PRTG: variants seen among roughly 807,000 people sequenced by gnomAD.
PRTG encodes protogenin.
In PRTG, 67 loss-of-function variants were observed where a neutral mutation model predicts 122.5. That is an observed-to-expected ratio of 0.55 (90% CI 0.45 to 0.67). The LOEUF is 0.67. PRTG is among the 30% of genes least tolerant of loss of function. The probability of loss-of-function intolerance (pLI) is 0.00; values close to 1 mark genes in which losing one functional copy is unlikely to be tolerated. For missense variants in PRTG, 1,435 were observed against 1,415.4 expected (o/e 1.01, Z -0.22); for synonymous variants, 554 against 501.1 (o/e 1.11, Z -1.41).
chr15:55,627,207 T>C (rs1030538880), intron 16 of PRTG, 79 bp from the exon 17 acceptor site: 21 of 1,082,434 alleles, frequency 1.9e-5, no homozygotes, highest in Admixed American at 3.4e-5. Flanking sequence ...TACTTGCTTT[T>C]CCAAAATTTT....
rs1235791691 is a variant in PRTG, at chr15:55,613,183, G to A, written c.*6829C>T. On this transcript the variant is annotated 3_prime_UTR_variant, in exon 20 of 20. Coordinates refer to ENST00000389286, the MANE Select transcript of PRTG (RefSeq NM_173814.6). ...AAATTGTCAAGATTAGAACTTAGGT[G>A]CTCCAAAGCCTAACTTATACTTGTT... The A allele has an allele frequency of 6.6e-6, 1 of 152,026 alleles. No individual in the cohort carries two copies. Among genetic ancestry groups the A allele is most frequent in the Non-Finnish European group, 1.5e-5 (1 of 67,952 alleles). The allele number at this position is 152,026 out of a possible 1,614,324, so 9.4% of individuals were successfully genotyped here.
Position 55,613,688 on chromosome 15 carries a change from T to C in PRTG, c.*6324A>G, listed in dbSNP as rs944397138. 2 of 151,684 alleles carry C rather than the reference T, an allele frequency of 1.3e-5. No homozygotes were observed. Among genetic ancestry groups the C allele is most frequent in the African/African-American group, 4.8e-5 (2 of 41,262 alleles). 9.4% of individuals were successfully genotyped at this position (151,684 alleles called of 1,614,324 possible). ...TTGTTCTGACACAACCTGGCTTTTG[T>C]GGATACAAGGAAAAAACAGTTGTAT... is the stretch of plus-strand genomic sequence containing the variant. On this transcript the variant is annotated 3_prime_UTR_variant, in exon 20 of 20. Coordinates refer to ENST00000389286, the MANE Select transcript of PRTG (RefSeq NM_173814.6).
rs1330146343 is a variant in PRTG, at chr15:55,738,014, A to C, written c.397+2368T>G. Reference sequence around the variant, plus strand: ...TCTCTCTCTCTCTCTATATATATATATATATATATATACACACACACACAC... The same window carrying C: ...TCTCTCTCTCTCTCTATATATATATCTATATATATATACACACACACACAC... On this transcript the variant is annotated intron_variant, in intron 2 of 19. Coordinates refer to ENST00000389286, the MANE Select transcript of PRTG (RefSeq NM_173814.6). Among the ~76,000 whole-genome samples the C allele has an allele frequency of 3.0e-3, 296 of 97,866 alleles. 1 individual carries two copies. Among genetic ancestry groups the C allele is most frequent in the Non-Finnish European group, 3.9e-3 (176 of 44,616 alleles). The allele number at this position is 97,866 out of a possible 152,430, so 64.2% of individuals were successfully genotyped here.
At chr15:55,648,206 A>C (rs1305819542) in intron 11 of PRTG, among the ~76,000 whole-genome samples, 1 of 152,232 alleles carries the variant, frequency 6.6e-6, no homozygotes, top group Non-Finnish European at 1.5e-5. Context: ...TATTAGAAAC[A>C]GCAAGCACAT....
intron 2 of PRTG, 120 bp from the exon 3 acceptor site, chr15:55,684,051 CTT>C: frequency 1.5e-6 from 1 of 685,132 alleles, no homozygotes; most frequent in East Asian, 3.1e-5. Flanking sequence ...ACCAACCTAA[CTT>C]AACCAGCATG....
intron 2 of PRTG, among the ~76,000 whole-genome samples, chr15:55,709,771 C>T (rs2263952): frequency 6.6e-6 from 1 of 152,306 alleles, no homozygotes; most frequent in African/African-American, 2.4e-5. Flanking sequence ...TACAAACAAA[C>T]GAGTACATAT....
intron 11 of PRTG, among the ~76,000 whole-genome samples, chr15:55,650,540 G>C (rs1181407501): frequency 3.3e-5 from 5 of 152,276 alleles, no homozygotes; most frequent in African/African-American, 1.2e-4. Context: ...TTTTATGGGG[G>C]AGGGTCACAC....
At chr15:55,641,321 T>C in intron 11 of PRTG, 113 bp from the exon 12 acceptor site, 1 of 656,254 alleles carries the variant, frequency 1.5e-6, no homozygotes, top group South Asian at 2.0e-5. Context: ...GCATAAAAGT[T>C]CTCAGTAATA....
chr15:55,638,660 A>G lies in PRTG; in HGVS notation c.2341T>C (p.Leu781=). 6.2e-7 allele frequency: 1 copy of G among 1,613,012 alleles called. No homozygotes were observed. The highest frequency in any genetic ancestry group is 1.1e-5 in the South Asian group (1 of 90,778). The change falls in exon 14 of 20, where the codon TTG becomes CTG. Residue 781 remains leucine, a synonymous_variant. Coordinates refer to ENST00000389286, the MANE Select transcript of PRTG (RefSeq NM_173814.6). ...LYLQTSETHM[L]VQGLEPNTKY... The stretch of plus-strand genomic sequence containing the variant: ...GTGTTTGGTTCTAGACCTTGAACCA[A>G]CATGTGAGTTTCTGATCTATAATAA...
At chr15:55,665,023 C>T (rs58285868) in intron 11 of PRTG, among the ~76,000 whole-genome samples, 1 of 152,048 alleles carries the variant, frequency 6.6e-6, no homozygotes, top group East Asian at 2.0e-4. Context: ...CTTTGGGAGG[C>T]CGAGGCGGGT....
intron 2 of PRTG, among the ~76,000 whole-genome samples, chr15:55,732,052 T>G (rs1387787410): frequency 6.6e-6 from 1 of 152,224 alleles, no homozygotes; most frequent in Non-Finnish European, 1.5e-5. Context: ...TGGGAAGTAT[T>G]TGTGTATCTA....
intron 2 of PRTG, among the ~76,000 whole-genome samples, chr15:55,729,303 T>C (rs1458078651): frequency 1.3e-5 from 2 of 152,168 alleles, no homozygotes; most frequent in Admixed American, 6.5e-5. Flanking sequence ...TGATATGACA[T>C]ACCACATATA....
intron 11 of PRTG, among the ~76,000 whole-genome samples, chr15:55,647,298 T>C (rs942381525): frequency 6.6e-6 from 1 of 151,628 alleles, no homozygotes; most frequent in Non-Finnish European, 1.5e-5. Flanking sequence ...AAAGGAAGAG[T>C]CAGAGCCAGA....
intron 18 of PRTG, among the ~76,000 whole-genome samples, chr15:55,621,624 T>C (rs893849430): frequency 1.3e-5 from 2 of 151,772 alleles, no homozygotes; most frequent in Non-Finnish European, 2.9e-5. Context: ...CTGGGTAACA[T>C]AGCAAGACTC....
In PRTG at chr15:55,619,852, C is replaced by G; in HGVS notation, c.*160G>C. 8.2e-7 allele frequency: 1 copy of G among 1,212,722 alleles called. No individual in the cohort carries two copies. The highest frequency in any genetic ancestry group is 1.1e-6 in the Non-Finnish European group (1 of 882,044). 75.1% of individuals were successfully genotyped at this position (1,212,722 alleles called of 1,614,324 possible). ...AGATTTAATGGTGAGAATACCTGAG[C>G]ATGGCCGTCTAGATTGGAAAATCAT... On this transcript the variant is annotated 3_prime_UTR_variant, in exon 20 of 20. Coordinates refer to ENST00000389286, the MANE Select transcript of PRTG (RefSeq NM_173814.6).
At chr15:55,732,183 T>G (rs1333384747) in intron 2 of PRTG, among the ~76,000 whole-genome samples, 1 of 152,202 alleles carries the variant, frequency 6.6e-6, no homozygotes, top group African/African-American at 2.4e-5. Context: ...TGCACATGAC[T>G]AGATTTGTTT....
intron 2 of PRTG, among the ~76,000 whole-genome samples, chr15:55,692,835 C>CT (rs774248341): frequency 0.56 from 42,105 of 75,336 alleles, 13,872 homozygotes; most frequent in Admixed American, 0.71. Context: ...AATGCAATCT[C>CT]TTTTTTTTTT....
At chr15:55,627,289 A>T (rs2059200189) in intron 16 of PRTG, among the ~76,000 whole-genome samples, 161 bp from the exon 17 acceptor site, 1 of 151,618 alleles carries the variant, frequency 6.6e-6, no homozygotes, top group African/African-American at 2.4e-5. Flanking sequence ...ATCTTTAATC[A>T]GTGATTTCAG....
In PRTG at chr15:55,623,451, C is replaced by T. The variant is rs560163738; in HGVS notation, c.3093+891G>A. Among the ~76,000 whole-genome samples the T allele has an allele frequency of 9.2e-5, 14 of 152,222 alleles. No individual in the cohort carries two copies. In the East Asian group the frequency reaches 1.7e-3, roughly 19 times the overall value. Reference sequence around the variant, plus strand: ...GCATGGTGGCGCACGCCTGTAATCCCGGCTACTCGGGAGGCTGAGGCAGGA... The same window carrying T: ...GCATGGTGGCGCACGCCTGTAATCCTGGCTACTCGGGAGGCTGAGGCAGGA... On this transcript the variant is annotated intron_variant, in intron 18 of 19. Transcript: ENST00000389286.
Sources: gnomAD v4.1 joint callset for allele counts (sites outside exome capture counted in the v4.1 genomes callset) on GRCh38, gnomAD v4.1.1 for gene constraint, MANE v1.5 for transcripts, NCBI Gene and HGNC (gene_info 2026-07-23, HGNC 2026-07-21) for gene names.